The following SHB variants were observed in gnomAD, a reference collection of about 807,000 sequenced individuals.
SHB encodes SH2 domain-containing adapter protein B.
In SHB, 20 loss-of-function variants were observed where a neutral mutation model predicts 52.3. The observed-to-expected ratio is 0.38, with a 90% CI of 0.27 to 0.56. SHB has a LOEUF of 0.56. Among genes scored for constraint, SHB ranks in the 20% least tolerant of loss-of-function variants. The pLI, the probability that SHB is intolerant of heterozygous loss-of-function variation, is 0.71. For synonymous variants in SHB, 397 were observed against 316.5 expected (o/e 1.25, Z -2.70); for missense variants, 825 against 723.3 (o/e 1.14, Z -1.61).
At chr9:37,965,138 C>G (rs917085731) in intron 3 of SHB, among the ~76,000 whole-genome samples, 1 of 152,232 alleles carries the variant, frequency 6.6e-6, no homozygotes, top group African/African-American at 2.4e-5. Flanking sequence ...AAAGCCCCAG[C>G]CCCACTGTGT....
intron 5 of SHB, among the ~76,000 whole-genome samples, chr9:37,943,655 C>T (rs1197744578): frequency 6.6e-6 from 1 of 152,206 alleles, no homozygotes; most frequent in Non-Finnish European, 1.5e-5. Flanking sequence ...AAGCTGCTGA[C>T]TGCAGAGGCC....
intron 1 of SHB, among the ~76,000 whole-genome samples, chr9:38,063,799 T>G (rs1188777180): frequency 2.6e-5 from 4 of 151,856 alleles, no homozygotes; most frequent in East Asian, 1.9e-4. Context: ...CTGGATGTTT[T>G]TTTTTTTTTT....
intron 3 of SHB, among the ~76,000 whole-genome samples, chr9:37,961,924 C>A (rs1375101130): frequency 6.6e-6 from 1 of 152,186 alleles, no homozygotes; most frequent in East Asian, 1.9e-4. Flanking sequence ...CTCCCCATGG[C>A]CGACCTGCAG....
intron 1 of SHB, among the ~76,000 whole-genome samples, chr9:38,039,859 G>A (rs1196528839): frequency 1.3e-5 from 2 of 152,246 alleles, no homozygotes; most frequent in African/African-American, 4.8e-5. Context: ...GAGGGGCGAG[G>A]GGAGAGGAGG....
At chr9:38,019,820 A>G (rs917459311) in intron 1 of SHB, among the ~76,000 whole-genome samples, 2 of 152,236 alleles carry the variant, frequency 1.3e-5, no homozygotes, top group Non-Finnish European at 2.9e-5. Context: ...AAACTACTGC[A>G]TCCATCAATA....
intron 1 of SHB, among the ~76,000 whole-genome samples, chr9:38,033,691 A>T (rs1263342409): frequency 6.6e-6 from 1 of 152,066 alleles, no homozygotes; most frequent in African/African-American, 2.4e-5. Context: ...CGAGTTTCCC[A>T]TCTATCCTGG....
intron 4 of SHB, among the ~76,000 whole-genome samples, chr9:37,950,767 G>C (rs1224453706): frequency 6.6e-6 from 1 of 152,216 alleles, no homozygotes; most frequent in Non-Finnish European, 1.5e-5. Context: ...CGCAGGAAGG[G>C]CCAATGTAGA....
At chr9:37,966,218 C>T (rs73455544) in intron 3 of SHB, among the ~76,000 whole-genome samples, 7,232 of 152,308 alleles carry the variant, frequency 0.047, 393 homozygotes, top group African/African-American at 0.13. Flanking sequence ...GGGTCTCTGA[C>T]CTCAGGGAAC....
chr9:37,924,163 C>A (rs1832217383), intron 5 of SHB, among the ~76,000 whole-genome samples: 1 of 152,176 alleles, frequency 6.6e-6, no homozygotes, highest in Admixed American at 6.5e-5. Flanking sequence ...TGGCAGAGGC[C>A]GGGGTGCTGG....
At chr9:38,011,430 A>G (rs1821141797) in intron 2 of SHB, among the ~76,000 whole-genome samples, 1 of 152,042 alleles carries the variant, frequency 6.6e-6, no homozygotes, top group Non-Finnish European at 1.5e-5. Flanking sequence ...GGACTGAACA[A>G]TTAGCCAGGC....
At chr9:38,000,897 G>A (rs528112947) in intron 2 of SHB, among the ~76,000 whole-genome samples, 4 of 152,236 alleles carry the variant, frequency 2.6e-5, no homozygotes, top group East Asian at 1.9e-4. Flanking sequence ...ATGTGACTTC[G>A]GGAAAGTCCC....
At chr9:37,924,199 CATT>C (rs918634393) in intron 5 of SHB, among the ~76,000 whole-genome samples, 2 of 152,198 alleles carry the variant, frequency 1.3e-5, no homozygotes, top group African/African-American at 4.8e-5. Flanking sequence ...TCAGATCGCT[CATT>C]ATCATCACAA....
chr9:37,936,821 G>A (rs1431228707), intron 5 of SHB: 1 of 152,200 alleles, frequency 6.6e-6, no homozygotes, highest in Non-Finnish European at 1.5e-5. Flanking sequence ...AAAACAGAGA[G>A]AGGCTCTGTC....
intron 3 of SHB, among the ~76,000 whole-genome samples, chr9:37,962,115 A>C (rs1384484971): frequency 1.3e-5 from 2 of 152,226 alleles, no homozygotes; most frequent in Non-Finnish European, 2.9e-5. Context: ...TCTGCAAACC[A>C]GGGCTGACAA....
intron 4 of SHB, among the ~76,000 whole-genome samples, chr9:37,954,595 T>C (rs751949216): frequency 2.0e-5 from 3 of 152,202 alleles, no homozygotes; most frequent in African/African-American, 4.8e-5. Context: ...ATCTAGGCAA[T>C]GGGCTGACAA....
chr9:37,988,136 T>A (rs555135101), intron 2 of SHB, among the ~76,000 whole-genome samples: 97 of 152,330 alleles, frequency 6.4e-4, no homozygotes, highest in African/African-American at 2.3e-3. Context: ...TGGCACATGC[T>A]CTGCCCACCC....
chr9:37,923,953 C>T (rs1466704297), intron 5 of SHB, among the ~76,000 whole-genome samples: 1 of 152,236 alleles, frequency 6.6e-6, no homozygotes, highest in Non-Finnish European at 1.5e-5. Context: ...TTCAAGGCAG[C>T]ATGGGCTTCC....
At chr9:37,985,618 A>T (rs753783918) in intron 2 of SHB, among the ~76,000 whole-genome samples, 34 of 152,246 alleles carry the variant, frequency 2.2e-4, no homozygotes, top group Non-Finnish European at 4.0e-4. Context: ...AGCCATGTCT[A>T]CTTAGGAGAC....
chr9:37,926,202 C>A (rs1832248911), intron 5 of SHB, among the ~76,000 whole-genome samples: 1 of 151,884 alleles, frequency 6.6e-6, no homozygotes, highest in African/African-American at 2.4e-5. Flanking sequence ...AACCCCACCC[C>A]CACCCTGAGG....
Sources: allele counts gnomAD v4.1 joint callset (sites outside exome capture counted in the v4.1 genomes callset), GRCh38; gene constraint gnomAD v4.1.1; transcripts MANE v1.5; gene names NCBI Gene and HGNC (gene_info 2026-07-23, HGNC 2026-07-21).